MECOM: variants seen among roughly 807,000 people sequenced by gnomAD.
MECOM encodes MDS1 and EVI1 complex locus, also known as histone-lysine N-methyltransferase MECOM.
In MECOM, 13 loss-of-function variants were observed where a neutral mutation model predicts 116.3. That is an observed-to-expected ratio of 0.11 (90% CI 0.07 to 0.18). MECOM has a LOEUF of 0.18. Among genes scored for constraint, MECOM ranks in the 10% least tolerant of loss-of-function variants. The probability of loss-of-function intolerance (pLI) is 1.00; values close to 1 mark genes in which losing one functional copy is unlikely to be tolerated. For synonymous variants in MECOM, 528 were observed against 535.2 expected, an observed-to-expected ratio of 0.99 and a Z score of 0.19; for missense variants, 1,299 against 1,509.0, an observed-to-expected ratio of 0.86 and a Z score of 2.31.
chr3:169,442,106 A>G (rs557307439), intron 1 of MECOM, among the ~76,000 whole-genome samples: 3 of 152,234 alleles, frequency 2.0e-5, no homozygotes, highest in East Asian at 3.9e-4. Context: ...TTGTATTTTT[A>G]GTAGAGACAG....
rs1168395675 is a variant in MECOM, at chr3:169,121,209, C to T, written c.979G>A (p.Val327Ile). The change falls in exon 7 of 17, where the codon GTT becomes ATT. Residue 327 changes from valine to isoleucine, a missense_variant and splice_region_variant. Val to Ile is a conservative substitution (Grantham distance 29). Transcript: ENST00000651503. ...TGAAGGTTGCTAGGGTCCGTGAAAA[C>T]CTGCTAGGAAATGAGTACTGATTAA... ...KHYECENCAK[V>I]FTDPSNLQRH... The T allele has an allele frequency of 6.2e-6, 10 of 1,608,744 alleles. No individual in the cohort carries two copies. Among genetic ancestry groups the T allele is most frequent in the Non-Finnish European group, 8.5e-6 (10 of 1,177,274 alleles).
chr3:169,147,845 A>T, intron 2 of MECOM: 7 of 85,418 alleles, frequency 8.2e-5, no homozygotes, highest in Middle Eastern at 6.7e-3. Context: ...GTGTGCACCG[A>T]GGCAGGAGGG....
chr3:169,565,187 C>T (rs571779875), intron 1 of MECOM, among the ~76,000 whole-genome samples: 1 of 152,254 alleles, frequency 6.6e-6, no homozygotes, highest in Non-Finnish European at 1.5e-5. Context: ...GGGAGAACTA[C>T]CTTCCAATTC....
chr3:169,223,280 C>T (rs1435505006), intron 2 of MECOM, among the ~76,000 whole-genome samples: 6 of 83,578 alleles, frequency 7.2e-5, no homozygotes, highest in African/African-American at 2.8e-4. Context: ...CCTCCCCCCT[C>T]CCCCCTCCCC....
intron 2 of MECOM, among the ~76,000 whole-genome samples, chr3:169,252,631 G>C (rs530617729): frequency 6.6e-6 from 1 of 152,142 alleles, no homozygotes; most frequent in South Asian, 2.1e-4. Flanking sequence ...ATTAGTAAAA[G>C]TCTACACTTT....
At chr3:169,566,311 G>C (rs979652291) in intron 1 of MECOM, among the ~76,000 whole-genome samples, 2 of 152,108 alleles carry the variant, frequency 1.3e-5, no homozygotes, top group African/African-American at 4.8e-5. Flanking sequence ...AGAGGTACCT[G>C]GGCATGCACC....
At chr3:169,188,892 A>G (rs1559969581) in intron 2 of MECOM, among the ~76,000 whole-genome samples, 1 of 152,116 alleles carries the variant, frequency 6.6e-6, no homozygotes, top group Non-Finnish European at 1.5e-5. Context: ...ATTATGTTAC[A>G]AAGGCTGTGA....
rs78695028 is a variant in MECOM at position 169,096,587 on chromosome 3, T to C, written c.2850-1342A>G. Among the ~76,000 whole-genome samples, 87 of 152,194 alleles carry C rather than the reference T, an allele frequency of 5.7e-4. 2 individuals are homozygous for C. The East Asian group carries it at 0.016, about 28-fold the overall frequency. ...GTCCAGCCTCCAAATGACTTATAAA[T>C]GAAAACTTCAATCTTAGAGGACAGA... On this transcript the variant is annotated intron_variant, in intron 12 of 16. Coordinates refer to ENST00000651503, the MANE Select transcript of MECOM (RefSeq NM_004991.4).
Position 169,593,646 on chromosome 3 carries a change from C to A in MECOM, c.37+69690G>T, listed in dbSNP as rs563648620. Among the ~76,000 whole-genome samples, 3 of 152,272 alleles carry A rather than the reference C, an allele frequency of 2.0e-5. No individual in the cohort carries two copies. In the South Asian group the frequency reaches 6.2e-4, roughly 32 times the overall value. On this transcript the variant is annotated intron_variant, in intron 1 of 16. Transcript: ENST00000651503. The stretch of plus-strand genomic sequence containing the variant: ...GAGTCCCACAATGATTCTCTGCACA[C>A]CACAGCTGAGAACCACTGGCTCTAC...
intron 1 of MECOM, among the ~76,000 whole-genome samples, chr3:169,597,059 T>C (rs1330885849): frequency 6.6e-6 from 1 of 152,136 alleles, no homozygotes; most frequent in Non-Finnish European, 1.5e-5. Flanking sequence ...AGATTAAATA[T>C]CTCACTGAAC....
At chr3:169,455,006 A>C (rs1387929645) in intron 1 of MECOM, among the ~76,000 whole-genome samples, 2 of 152,186 alleles carry the variant, frequency 1.3e-5, no homozygotes, top group African/African-American at 4.8e-5. Context: ...ATGTAGTGTC[A>C]TCATGTCTGA....
intron 1 of MECOM, among the ~76,000 whole-genome samples, chr3:169,405,440 A>G (rs1736544971): frequency 6.6e-6 from 1 of 152,174 alleles, no homozygotes; most frequent in African/African-American, 2.4e-5. Flanking sequence ...GTGTAGTACT[A>G]TTTCAATTGA....
intron 1 of MECOM, among the ~76,000 whole-genome samples, chr3:169,537,691 C>T (rs958656114): frequency 1.3e-5 from 2 of 149,302 alleles, no homozygotes; most frequent in South Asian, 2.1e-4. Context: ...CTTAGATATA[C>T]TGATATAGTA....
Position 169,090,021 on chromosome 3 carries a change from C to T in MECOM, c.3380G>A (p.Ser1127Asn). 6.2e-7 allele frequency: 1 copy of T among 1,613,282 alleles called. No individual in the cohort carries two copies. Among genetic ancestry groups the T allele is most frequent in the Middle Eastern group, 1.7e-4 (1 of 6,056 alleles). Residue 1127 changes from serine (S) to asparagine (N), a missense_variant, in exon 15 of 17, where the codon AGT becomes AAT. Ser to Asn is a conservative substitution (Grantham distance 46). This residue lies in a region of MECOM where 273 missense variants were observed against 289.3 expected (regional missense o/e 0.94). Coordinates refer to ENST00000651503, the MANE Select transcript of MECOM (RefSeq NM_004991.4). ...DYEETSALEM[S>N]CKTSPVRYKE... ...TCACCTCACTGGGGATGTCTTGCAA[C>T]TCATCTCCAGGGCACTGGTTTCTTC...
chr3:169,454,267 C>T (rs1420668202), intron 1 of MECOM, among the ~76,000 whole-genome samples: 25 of 151,732 alleles, frequency 1.6e-4, no homozygotes, highest in Admixed American at 1.6e-3. Flanking sequence ...AGAACAGCTT[C>T]ATAATTGAAA....
chr3:169,144,984 G>A, intron 2 of MECOM: 1 of 1,561,738 alleles, frequency 6.4e-7, no homozygotes, highest in Non-Finnish European at 8.7e-7. Flanking sequence ...GCAGATTCAA[G>A]TCATTAACTC....
intron 2 of MECOM, among the ~76,000 whole-genome samples, chr3:169,264,627 A>G (rs1758035064): frequency 6.6e-6 from 1 of 152,188 alleles, no homozygotes; most frequent in Admixed American, 6.5e-5. Context: ...AGAGAAGTTG[A>G]CATACCTAGG....
intron 1 of MECOM, among the ~76,000 whole-genome samples, chr3:169,433,281 A>C (rs1178048839): frequency 1.3e-5 from 2 of 152,158 alleles, no homozygotes; most frequent in Non-Finnish European, 2.9e-5. Context: ...CCAGTCTGCC[A>C]ACATGGTGAA....
At chr3:169,375,111 G>T (rs1432030596) in intron 2 of MECOM, among the ~76,000 whole-genome samples, 2 of 151,950 alleles carry the variant, frequency 1.3e-5, no homozygotes, top group Non-Finnish European at 2.9e-5. Context: ...ATAGAAACTT[G>T]CTAAGGATGG....
Sources: gnomAD v4.1 joint callset for allele counts (sites outside exome capture counted in the v4.1 genomes callset) on GRCh38, gnomAD v4.1.1 for gene constraint, gnomAD v4.1.1 regional missense constraint, MANE v1.5 for transcripts, NCBI Gene and HGNC (gene_info 2026-07-23, HGNC 2026-07-21) for gene names.